Variants in VCAN observed in about 807,000 individuals in gnomAD.
The protein encoded by VCAN is versican core protein.
A neutral mutation model predicts 245.5 loss-of-function variants in VCAN; 44 were observed. That is an observed-to-expected ratio of 0.18 (90% CI 0.14 to 0.23). VCAN has a LOEUF of 0.23. Among genes scored for constraint, VCAN ranks in the 10% least tolerant of loss-of-function variants. The pLI is 1.00. For synonymous variants in VCAN, 1,413 were observed against 1,437.0 expected (o/e 0.98, Z 0.38); for missense variants, 3,793 against 4,057.9 (o/e 0.93, Z 1.77).
Position 83,539,358 on chromosome 5 carries a change from C to A in VCAN, c.6355C>A (p.Gln2119Lys), listed in dbSNP as rs1746869175. ...EIESETTSEE[Q>K]IQEEKSFESP... is the part of the protein sequence containing the mutation. Reference sequence around the variant, plus strand: ...TGAAAGTGAAACAACATCAGAGGAACAAATTCAAGAAGAAAAGTCATTTGA... The same window carrying A: ...TGAAAGTGAAACAACATCAGAGGAAAAAATTCAAGAAGAAAAGTCATTTGA... The change falls in exon 8 of 15, where the codon CAA becomes AAA. Residue 2119 changes from glutamine to lysine, a missense_variant. Around this residue, in one of 5 missense-constraint regions of VCAN, gnomAD observed 3,182 missense variants for 3,250.3 expected, o/e 0.98. Coordinates refer to ENST00000265077, the MANE Select transcript of VCAN (RefSeq NM_004385.5). The A allele has an allele frequency of 2.5e-6, 4 of 1,614,100 alleles. No homozygotes were observed. The highest frequency in any genetic ancestry group is 3.4e-6 in the Non-Finnish European group (4 of 1,179,976).
intron 5 of VCAN, among the ~76,000 whole-genome samples, chr5:83,508,143 A>G (rs949273487): frequency 6.6e-6 from 1 of 152,146 alleles, no homozygotes. Flanking sequence ...AGCCTTTGAC[A>G]TAATCCTGGG....
At chr5:83,554,386 A>G (rs1747584970) in intron 11 of VCAN, among the ~76,000 whole-genome samples, 1 of 152,218 alleles carries the variant, frequency 6.6e-6, no homozygotes, top group Admixed American at 6.5e-5. Context: ...TGTAATCTGG[A>G]TAGAGGTTCA....
At chr5:83,503,811 G>T (rs967638909) in intron 5 of VCAN, among the ~76,000 whole-genome samples, 4 of 152,200 alleles carry the variant, frequency 2.6e-5, no homozygotes, top group Non-Finnish European at 5.9e-5. Flanking sequence ...GTGATTGCAA[G>T]AATTGTCAGT....
intron 9 of VCAN, among the ~76,000 whole-genome samples, chr5:83,546,891 T>A (rs1747248662): frequency 6.6e-6 from 1 of 152,212 alleles, no homozygotes; most frequent in South Asian, 2.1e-4. Context: ...AAATTTTTAG[T>A]GTAATTGCAA....
rs767018831 is a variant in VCAN, at chr5:83,537,134, C to G, written c.4131C>G (p.Asp1377Glu). The part of the protein sequence containing the change: ...LMAEILPEFP[D>E]IIEIDLYHSE... ...CTGAAATTTTACCTGAATTCCCTGA[C>G]ATAATTGAAATAGACCTATACCACA... Residue 1377 changes from aspartate (D) to glutamate (E), a missense_variant, in exon 8 of 15, where the codon GAC (aspartate) becomes GAG (glutamate). Physicochemically the swap from Asp to Glu is conservative, Grantham distance 45. Around this residue, in one of 5 missense-constraint regions of VCAN, gnomAD observed 3,182 missense variants for 3,250.3 expected, o/e 0.98. Transcript: ENST00000265077. The G allele has an allele frequency of 5.0e-6, 8 of 1,613,634 alleles. No individual in the cohort carries two copies. Among genetic ancestry groups the G allele is most frequent in the Non-Finnish European group, 6.8e-6 (8 of 1,179,862 alleles).
intron 7 of VCAN, among the ~76,000 whole-genome samples, chr5:83,523,316 T>G (rs1300639489): frequency 2.0e-5 from 3 of 152,196 alleles, no homozygotes; most frequent in Non-Finnish European, 4.4e-5. Context: ...GGATTTTAGT[T>G]AATTTGCTAT....
Position 83,520,698 on chromosome 5 carries a change from G to A in VCAN, c.2392G>A (p.Ala798Thr), listed in dbSNP as rs368714153. The change falls in exon 7 of 15, where the codon GCC becomes ACC. Residue 798 changes from alanine to threonine, a missense_variant. Physicochemically the swap from Ala to Thr is moderately conservative, Grantham distance 58. Transcript: ENST00000265077. ...CCATGGTACTTTAAGTGTTGAAGCA[G>A]CCACTGTATCAAAATGGTCATGGGA... is the stretch of plus-strand genomic sequence containing the variant. ...LAHGTLSVEA[A>T]TVSKWSWDED... The A allele has an allele frequency of 1.9e-6, 3 of 1,614,080 alleles. No individual in the cohort carries two copies. Among genetic ancestry groups the A allele is most frequent in the Non-Finnish European group, 2.5e-6 (3 of 1,179,982 alleles).
chr5:83,580,384 T>C lies in VCAN; in HGVS notation c.10141T>C (p.Ser3381Pro), dbSNP rs1360523104. 1 of 1,613,992 alleles carries C rather than the reference T, an allele frequency of 6.2e-7. No homozygotes were observed. The highest frequency in any genetic ancestry group is 2.2e-5 in the East Asian group (1 of 44,870). The change falls in exon 15 of 15, where the codon TCC becomes CCC. Residue 3381 changes from serine to proline, a missense_variant. Transcript: ENST00000265077. ...AGCAAAGGACAATTCAATAAATACA[T>C]CCAAACATGATCATCGTTGGAGCCG... ...SSAKDNSINT[S>P]KHDHRWSRRW...
At chr5:83,479,219 G>T (rs995265344) in intron 1 of VCAN, among the ~76,000 whole-genome samples, 2 of 152,054 alleles carry the variant, frequency 1.3e-5, no homozygotes, top group Non-Finnish European at 2.9e-5. Context: ...GTTGTCTAGG[G>T]TACCTAATTA....
Position 83,577,108 on chromosome 5 carries a change from G to C in VCAN, c.9881-2872G>C, listed in dbSNP as rs1748514577. On this transcript the variant is annotated intron_variant, in intron 13 of 14. Coordinates refer to ENST00000265077, the MANE Select transcript of VCAN (RefSeq NM_004385.5). ...TCCTTTATGATCTAATCTTTTTTGT[G>C]TTTTAAGAAATCTTTACCTACTGAT... Among the ~76,000 whole-genome samples the C allele has an allele frequency of 2.0e-5, 3 of 151,516 alleles. No homozygotes were observed. In the South Asian group the frequency reaches 6.3e-4, roughly 32 times the overall value.
At position 83,512,117 on chromosome 5, in the gene VCAN, C is replaced by T. The variant is rs36065652; in HGVS notation, c.763C>T (p.Leu255Phe). 407 of 1,614,118 alleles carry T rather than the reference C, an allele frequency of 2.5e-4. 1 individual carries two copies. The African/African-American group carries it at 4.7e-3, about 18-fold the overall frequency. ...TTTTTTTCCAGGTGATGTGTTCCAC[C>T]TCACTGTCCCCAGTAAATTCACCTT... ...VDHLDGDVFH[L>F]TVPSKFTFEE... The change falls in exon 6 of 15, where the codon CTC becomes TTC. Residue 255 changes from leucine (L) to phenylalanine (F), a missense_variant. This residue lies in a region of VCAN where 190 missense variants were observed against 288.6 expected (regional missense o/e 0.66). Coordinates refer to ENST00000265077, the MANE Select transcript of VCAN (RefSeq NM_004385.5).
intron 13 of VCAN, 71 bp from the exon 14 acceptor site, chr5:83,579,909 G>A: frequency 1.3e-6 from 2 of 1,515,558 alleles, no homozygotes; most frequent in Admixed American, 3.4e-5. Context: ...AAGAAAGAGA[G>A]AAAAATAAGA....
At chr5:83,510,205 C>A (rs1449773912) in intron 5 of VCAN, among the ~76,000 whole-genome samples, 3 of 152,166 alleles carry the variant, frequency 2.0e-5, no homozygotes, top group Non-Finnish European at 2.9e-5. Flanking sequence ...AAAGTAATTT[C>A]TCTCTCCCTT....
chr5:83,472,777 A>AT (rs1028869887), intron 1 of VCAN, among the ~76,000 whole-genome samples: 16 of 152,116 alleles, frequency 1.1e-4, no homozygotes, highest in African/African-American at 3.9e-4. Flanking sequence ...GGAGCAGAGG[A>AT]TGGGGGGTGG....
chr5:83,502,271 G>A (rs1350316464), intron 5 of VCAN, among the ~76,000 whole-genome samples: 1 of 152,012 alleles, frequency 6.6e-6, no homozygotes, highest in African/African-American at 2.4e-5. Context: ...TAAACTCCTT[G>A]AAGCATGTGA....
Position 83,528,452 on chromosome 5 carries a change from G to A in VCAN, c.4003+6143G>A, listed in dbSNP as rs185457569. On this transcript the variant is annotated intron_variant, in intron 7 of 14. Transcript: ENST00000265077. ...AAGGAGGCCATGTCATCCCAGTGCT[G>A]TTTGACATGGCCTGCTTCAGAAGCT... is the stretch of plus-strand genomic sequence containing the variant. 3.7e-3 allele frequency among the ~76,000 whole-genome samples: 556 copies of A among 152,136 alleles called. 1 individual carries two copies. Among genetic ancestry groups the A allele is most frequent in the Admixed American group, 6.1e-3 (94 of 15,286 alleles).
intron 1 of VCAN, among the ~76,000 whole-genome samples, chr5:83,481,039 A>G (rs72771203): frequency 0.073 from 11,045 of 152,152 alleles, 560 homozygotes; most frequent in Non-Finnish European, 0.11. Context: ...AGAGAGATAT[A>G]GTATTTTACC....
rs773159382 is a variant in VCAN, at chr5:83,537,907, C to T, written c.4904C>T (p.Ser1635Leu). 1.7e-5 allele frequency: 28 copies of T among 1,613,854 alleles called. No individual in the cohort carries two copies. Among genetic ancestry groups the T allele is most frequent in the South Asian group, 1.3e-4 (12 of 91,080 alleles). Residue 1635 changes from serine to leucine, a missense_variant, in exon 8 of 15, where the codon TCG becomes TTG. Physicochemically the swap from Ser to Leu is moderately radical, Grantham distance 145 (BLOSUM62 -2). Transcript: ENST00000265077. ...GTTGTAGAGCTCTCAGGGAGTTCTT[C>T]GATTCCAATTACAGAAGGCTCTGGA... is the stretch of plus-strand genomic sequence containing the variant. ...RQVVELSGSS[S>L]IPITEGSGEA...
At chr5:83,522,652 C>A (rs1254324690) in intron 7 of VCAN, among the ~76,000 whole-genome samples, 1 of 152,176 alleles carries the variant, frequency 6.6e-6, no homozygotes, top group Non-Finnish European at 1.5e-5. Context: ...TAGCACTAGA[C>A]TGTGTTAACA....
Sources: allele counts gnomAD v4.1 joint callset (sites outside exome capture counted in the v4.1 genomes callset), GRCh38; gene constraint gnomAD v4.1.1; regional missense constraint gnomAD v4.1.1; transcripts MANE v1.5; gene names NCBI Gene and HGNC (gene_info 2026-07-23, HGNC 2026-07-21).